LRRC3B: variants seen among roughly 807,000 people sequenced by gnomAD.
The protein encoded by LRRC3B is leucine rich repeat containing 3B.
Under a neutral mutation model 12.8 loss-of-function variants are expected in LRRC3B, and 2 were observed. The observed-to-expected ratio is 0.16, with a 90% CI of 0.06 to 0.49. LRRC3B has a LOEUF of 0.49. LRRC3B is among the 20% of genes least tolerant of loss of function. The pLI, the probability that LRRC3B is intolerant of heterozygous loss-of-function variation, is 0.96. For synonymous variants in LRRC3B, 132 were observed against 122.0 expected (o/e 1.08, Z -0.54); for missense variants, 189 against 319.4 (o/e 0.59, Z 3.11).
intron 1 of LRRC3B, among the ~76,000 whole-genome samples, chr3:26,691,120 T>TATATATATATATAC (rs1559368575): frequency 5.7e-5 from 8 of 141,292 alleles, no homozygotes; most frequent in Non-Finnish European, 1.1e-4. Flanking sequence ...TATATATATA[T>TATATATATATATAC]ATATATATAT....
intron 1 of LRRC3B, among the ~76,000 whole-genome samples, chr3:26,689,991 T>C (rs938070110): frequency 6.6e-6 from 1 of 152,184 alleles, no homozygotes; most frequent in Non-Finnish European, 1.5e-5. Context: ...AATCAGGGAA[T>C]TGAGGAGACC....
At chr3:26,709,311 T>A (rs943863295) in intron 1 of LRRC3B, among the ~76,000 whole-genome samples, 2 of 152,192 alleles carry the variant, frequency 1.3e-5, no homozygotes, top group Non-Finnish European at 2.9e-5. Context: ...TATCTTCATA[T>A]GTTCACAGTT....
At chr3:26,678,008 G>C (rs1249213977) in intron 1 of LRRC3B, among the ~76,000 whole-genome samples, 1 of 151,980 alleles carries the variant, frequency 6.6e-6, no homozygotes, top group Non-Finnish European at 1.5e-5. Flanking sequence ...GTAGAGACGA[G>C]ATCTCGCCAT....
chr3:26,638,515 A>G (rs1397089551), intron 1 of LRRC3B, among the ~76,000 whole-genome samples: 2 of 152,190 alleles, frequency 1.3e-5, no homozygotes, highest in Non-Finnish European at 1.5e-5. Flanking sequence ...CTTCTGTCTC[A>G]AAGTGTGAAT....
In LRRC3B at chr3:26,647,818, G is replaced by A. The variant is rs190158449; in HGVS notation, c.-161+24581G>A. ...ACTTCAATCCCATGGAGTACACAGA[G>A]CATGCCATGTTTAAACAATACCCAG... is the stretch of plus-strand genomic sequence containing the variant. On this transcript the variant is annotated intron_variant, in intron 1 of 1. Coordinates refer to ENST00000396641, the Ensembl canonical transcript of LRRC3B. 3.7e-3 allele frequency among the ~76,000 whole-genome samples: 565 copies of A among 152,268 alleles called. 1 individual carries two copies. Among genetic ancestry groups the A allele is most frequent in the Middle Eastern group, 0.01 (3 of 294 alleles).
chr3:26,645,787 A>T (rs1699131311), intron 1 of LRRC3B, among the ~76,000 whole-genome samples: 1 of 152,184 alleles, frequency 6.6e-6, no homozygotes, highest in Non-Finnish European at 1.5e-5. Flanking sequence ...TTATGAGGGT[A>T]TCATGTCAGA....
exon 2 of LRRC3B, chr3:26,710,325 T>G: frequency 6.2e-7 from 1 of 1,614,030 alleles, no homozygotes; most frequent in Non-Finnish European, 8.5e-7. Flanking sequence ...ACTATGGTGA[T>G]CTCATATGTG....
At chr3:26,626,924 AT>A (rs1698639358) in intron 1 of LRRC3B, among the ~76,000 whole-genome samples, 1 of 152,188 alleles carries the variant, frequency 6.6e-6, no homozygotes, top group Admixed American at 6.5e-5. Flanking sequence ...ATAACAGGGA[AT>A]TTTTCCTATC....
intron 1 of LRRC3B, among the ~76,000 whole-genome samples, chr3:26,693,531 A>G (rs1007290730): frequency 6.6e-6 from 1 of 152,192 alleles, no homozygotes; most frequent in Non-Finnish European, 1.5e-5. Context: ...GCAAAAGACC[A>G]TGGATAATAC....
At chr3:26,630,075 GA>G (rs953695785) in intron 1 of LRRC3B, among the ~76,000 whole-genome samples, 14 of 150,124 alleles carry the variant, frequency 9.3e-5, no homozygotes, top group East Asian at 1.9e-4. Flanking sequence ...AGGATAAGGG[GA>G]AAAAAAAATC....
At chr3:26,676,886 G>A (rs976875790) in intron 1 of LRRC3B, among the ~76,000 whole-genome samples, 19 of 152,170 alleles carry the variant, frequency 1.2e-4, no homozygotes, top group Non-Finnish European at 5.9e-5. Context: ...CACTGATCTG[G>A]CAGTGTGATT....
At chr3:26,630,183 C>T (rs1698725782) in intron 1 of LRRC3B, among the ~76,000 whole-genome samples, 1 of 152,080 alleles carries the variant, frequency 6.6e-6, no homozygotes, top group African/African-American at 2.4e-5. Flanking sequence ...AATAATACCT[C>T]ATAGCATAGA....
exon 1 of LRRC3B, chr3:26,622,943 C>T (rs988381511): frequency 6.6e-6 from 1 of 151,848 alleles, no homozygotes; most frequent in African/African-American, 2.4e-5. Flanking sequence ...AGTCGTGCCC[C>T]GCACGGCCGC....
At chr3:26,660,796 T>C (rs1699476917) in intron 1 of LRRC3B, among the ~76,000 whole-genome samples, 1 of 152,190 alleles carries the variant, frequency 6.6e-6, no homozygotes. Flanking sequence ...CAAATTCTGC[T>C]TTTTTCATTT....
chr3:26,664,675 G>C lies in LRRC3B; in HGVS notation c.-161+41438G>C, dbSNP rs11924139. 6.1e-3 allele frequency among the ~76,000 whole-genome samples: 928 copies of C among 152,252 alleles called. 9 individuals are homozygous for C. Among genetic ancestry groups the C allele is most frequent in the African/African-American group, 0.02 (831 of 41,566 alleles). On this transcript the variant is annotated intron_variant, in intron 1 of 1. Transcript: ENST00000396641. ...GCCAAGAAAGGCTGTGCTATCGAGA[G>C]AGACCCACAGAGAATAATTTTGGGT...
chr3:26,665,409 T>A (rs1157855292), intron 1 of LRRC3B, among the ~76,000 whole-genome samples: 1 of 152,204 alleles, frequency 6.6e-6, no homozygotes, highest in Non-Finnish European at 1.5e-5. Flanking sequence ...CTGCTATAAA[T>A]ACTTTCTGGA....
intron 1 of LRRC3B, among the ~76,000 whole-genome samples, chr3:26,692,695 CATAAAT>C (rs1314700319): frequency 6.6e-6 from 1 of 152,188 alleles, no homozygotes; most frequent in Non-Finnish European, 1.5e-5. Flanking sequence ...GTGATAAAAA[CATAAAT>C]ATAAATATAT....
chr3:26,653,341 A>G (rs1699304493), intron 1 of LRRC3B, among the ~76,000 whole-genome samples: 1 of 148,274 alleles, frequency 6.7e-6, no homozygotes, highest in South Asian at 2.2e-4. Context: ...GAAATCTAGA[A>G]TTTCTGTCAT....
At chr3:26,700,802 T>C (rs1010679393) in intron 1 of LRRC3B, among the ~76,000 whole-genome samples, 1 of 152,192 alleles carries the variant, frequency 6.6e-6, no homozygotes, top group African/African-American at 2.4e-5. Flanking sequence ...AGTTAAGTTC[T>C]TGCCTCTGTC....
Sources: gnomAD v4.1 joint callset for allele counts (sites outside exome capture counted in the v4.1 genomes callset) on GRCh38, gnomAD v4.1.1 for gene constraint, MANE v1.5 for transcripts, NCBI Gene and HGNC (gene_info 2026-07-23, HGNC 2026-07-21) for gene names.